Variants in CDK8 observed in about 807,000 individuals in gnomAD.
CDK8 encodes cyclin-dependent kinase 8.
In CDK8, 29 loss-of-function variants were observed where a neutral mutation model predicts 71.5. That is an observed-to-expected ratio of 0.41 (90% CI 0.30 to 0.55). The LOEUF (loss-of-function observed/expected upper bound fraction) is 0.55, where lower values mean the gene tolerates loss of function less well. CDK8 is among the 20% of genes least tolerant of loss of function. The pLI, the probability that CDK8 is intolerant of heterozygous loss-of-function variation, is 0.37. For synonymous variants in CDK8, 161 were observed against 192.1 expected, an observed-to-expected ratio of 0.84 and a Z score of 1.34; for missense variants, 288 against 572.6, an observed-to-expected ratio of 0.50 and a Z score of 5.07.
chr13:26,373,716 C>G (rs1449122734), intron 4 of CDK8, among the ~76,000 whole-genome samples: 1 of 151,962 alleles, frequency 6.6e-6, no homozygotes, highest in Non-Finnish European at 1.5e-5. Flanking sequence ...AAATAAAATA[C>G]AGTGTAAATA....
chr13:26,382,643 AC>A (rs1256764065), intron 4 of CDK8, among the ~76,000 whole-genome samples, 170 bp from the exon 5 acceptor site: 1 of 152,192 alleles, frequency 6.6e-6, no homozygotes, highest in African/African-American at 2.4e-5. Flanking sequence ...AAATTTGCAT[AC>A]CGCTTTGCAT....
chr13:26,301,642 A>G (rs1873830788), intron 1 of CDK8, among the ~76,000 whole-genome samples: 1 of 152,188 alleles, frequency 6.6e-6, no homozygotes, highest in African/African-American at 2.4e-5. Flanking sequence ...AGATTCTGCA[A>G]GGTTGTCCTT....
intron 1 of CDK8, among the ~76,000 whole-genome samples, chr13:26,301,936 A>G (rs1019708758): frequency 6.6e-6 from 1 of 152,118 alleles, no homozygotes; most frequent in African/African-American, 2.4e-5. Context: ...CTGTGGGGCT[A>G]TTTCCCACTC....
At chr13:26,284,793 A>G (rs997838081) in intron 1 of CDK8, among the ~76,000 whole-genome samples, 8 of 152,170 alleles carry the variant, frequency 5.3e-5, no homozygotes, top group Middle Eastern at 3.4e-3. Context: ...CCCTAATACC[A>G]AAATCAGGAA....
chr13:26,269,938 T>C (rs1469897097), intron 1 of CDK8, among the ~76,000 whole-genome samples: 1 of 152,154 alleles, frequency 6.6e-6, no homozygotes, highest in Non-Finnish European at 1.5e-5. Context: ...TTGATTTAGT[T>C]GCAGTGTGCA....
intron 1 of CDK8, among the ~76,000 whole-genome samples, chr13:26,308,101 G>A (rs1344048684): frequency 2.6e-5 from 4 of 152,122 alleles, no homozygotes; most frequent in Admixed American, 2.6e-4. Context: ...TGGTACATTC[G>A]TAAACAATTT....
chr13:26,389,868 G>C (rs1253756850), intron 6 of CDK8, among the ~76,000 whole-genome samples: 1 of 151,858 alleles, frequency 6.6e-6, no homozygotes, highest in Non-Finnish European at 1.5e-5. Context: ...CATGGTGGCG[G>C]GCACCTGTAA....
intron 2 of CDK8, among the ~76,000 whole-genome samples, chr13:26,341,412 A>G (rs1873233653): frequency 6.6e-6 from 1 of 152,160 alleles, no homozygotes. Flanking sequence ...GGCATGAGCC[A>G]TCGTGCCCGG....
intron 1 of CDK8, among the ~76,000 whole-genome samples, chr13:26,291,464 G>A (rs983936865): frequency 5.3e-5 from 8 of 152,164 alleles, no homozygotes; most frequent in African/African-American, 1.9e-4. Context: ...AATTTGAATA[G>A]GAACAATAAA....
chr13:26,296,339 T>C (rs559174107), intron 1 of CDK8, among the ~76,000 whole-genome samples: 1 of 152,336 alleles, frequency 6.6e-6, no homozygotes, highest in East Asian at 1.9e-4. Context: ...AAAGGGCTCT[T>C]TGGTTATCTT....
intron 1 of CDK8, among the ~76,000 whole-genome samples, chr13:26,262,793 A>G (rs993661944): frequency 1.3e-5 from 2 of 152,262 alleles, no homozygotes; most frequent in Non-Finnish European, 2.9e-5. Flanking sequence ...ACTGGTCTGT[A>G]TAGCATGATC....
chr13:26,254,489 C>G lies in CDK8; in HGVS notation c.-153C>G. On this transcript the variant is annotated 5_prime_UTR_variant, in exon 1 of 13. Transcript: ENST00000381527. This position sits in a 1 kb window ranked among gnomAD's most constrained non-coding sequence, Gnocchi z 6.7. The stretch of plus-strand genomic sequence containing the variant: ...GTCCCTGGCGCTTTCGCGGGGCCTC[C>G]TCCTGCTCTTGCCGCATCAGTCGGG... 2 of 603,378 alleles carry G rather than the reference C, an allele frequency of 3.3e-6. No homozygotes were observed. Among genetic ancestry groups the G allele is most frequent in the Non-Finnish European group, 5.6e-6 (2 of 358,864 alleles). 37.4% of individuals were successfully genotyped at this position (603,378 alleles called of 1,614,324 possible).
At chr13:26,395,211 G>A (rs1403659395) in intron 7 of CDK8, among the ~76,000 whole-genome samples, 1 of 152,184 alleles carries the variant, frequency 6.6e-6, no homozygotes, top group African/African-American at 2.4e-5. Context: ...AAGGTTTTGC[G>A]AGGCCGCGGT....
intron 1 of CDK8, among the ~76,000 whole-genome samples, chr13:26,264,046 C>G (rs1871914123): frequency 6.6e-6 from 1 of 152,088 alleles, no homozygotes. Flanking sequence ...CGCTCCCAGC[C>G]AAGACTCCCT....
chr13:26,357,501 A>G (rs919702755), intron 4 of CDK8, among the ~76,000 whole-genome samples: 5 of 152,186 alleles, frequency 3.3e-5, no homozygotes, highest in Admixed American at 3.3e-4. Context: ...CCTTCCCTTG[A>G]TGACTCTCTT....
At chr13:26,402,881 T>C (rs1046384630) in intron 12 of CDK8, among the ~76,000 whole-genome samples, 2 of 152,250 alleles carry the variant, frequency 1.3e-5, no homozygotes, top group African/African-American at 4.8e-5. Context: ...AATTTTAAAA[T>C]AGTATTTGTG....
chr13:26,352,989 C>T (rs926192636), intron 3 of CDK8, among the ~76,000 whole-genome samples: 7 of 152,124 alleles, frequency 4.6e-5, no homozygotes, highest in Admixed American at 1.3e-4. Context: ...CAGTGGTGTG[C>T]AAGGCATAGT....
intron 6 of CDK8, among the ~76,000 whole-genome samples, chr13:26,386,423 C>T (rs926475182): frequency 2.0e-5 from 3 of 152,108 alleles, no homozygotes; most frequent in Non-Finnish European, 4.4e-5. Context: ...TTAACTTGTT[C>T]TGTATCCTCC....
intron 4 of CDK8, among the ~76,000 whole-genome samples, chr13:26,360,177 A>G (rs2138009209): frequency 6.6e-6 from 1 of 152,320 alleles, no homozygotes; most frequent in Admixed American, 6.5e-5. Flanking sequence ...AATTTGAGGC[A>G]AAGCATGATG....
Sources: allele counts gnomAD v4.1 joint callset (sites outside exome capture counted in the v4.1 genomes callset), GRCh38; gene constraint gnomAD v4.1.1; non-coding constraint Gnocchi (gnomAD v3.1); transcripts MANE v1.5; gene names NCBI Gene and HGNC (gene_info 2026-07-23, HGNC 2026-07-21).